The following PDE10A variants were observed in gnomAD, a reference collection of about 807,000 sequenced individuals.
The protein encoded by PDE10A is cAMP and cAMP-inhibited cGMP 3',5'-cyclic phosphodiesterase 10A.
PDE10A carries 39 observed loss-of-function variants against 97.7 expected under a neutral mutation model. The ratio of observed to expected loss-of-function variants is 0.40; its 90% confidence interval spans 0.31 to 0.52. PDE10A has a LOEUF of 0.52. PDE10A is among the 20% of genes least tolerant of loss of function. The probability of loss-of-function intolerance (pLI) is 0.56; values close to 1 mark genes in which losing one functional copy is unlikely to be tolerated. For synonymous variants in PDE10A, 371 were observed against 376.8 expected (o/e 0.98, Z 0.18); for missense variants, 731 against 1,047.8 (o/e 0.70, Z 4.17).
chr6:165,626,388 T>C (rs1261788598), intron 1 of PDE10A, among the ~76,000 whole-genome samples: 4 of 152,206 alleles, frequency 2.6e-5, no homozygotes, highest in African/African-American at 9.7e-5. Context: ...AGATTATTGA[T>C]GTTAACTCTA....
chr6:165,714,854 C>A (rs936537707), intron 1 of PDE10A, among the ~76,000 whole-genome samples: 9 of 152,232 alleles, frequency 5.9e-5, no homozygotes, highest in African/African-American at 2.2e-4. Context: ...GACAGAAGAA[C>A]CTGTTGAACC....
chr6:165,442,423 G>A (rs1248582997), intron 5 of PDE10A, among the ~76,000 whole-genome samples: 3 of 152,044 alleles, frequency 2.0e-5, no homozygotes, highest in Non-Finnish European at 4.4e-5. Context: ...AGTTCCACAG[G>A]CTTAACAGGA....
intron 2 of PDE10A, among the ~76,000 whole-genome samples, chr6:165,508,741 T>C (rs1025853346): frequency 6.6e-6 from 1 of 152,004 alleles, no homozygotes; most frequent in African/African-American, 2.4e-5. Context: ...AGGTATGCAG[T>C]GATACCTCAC....
chr6:165,374,436 TAACA>T lies in PDE10A; in HGVS notation c.2783+4754_2783+4757del, dbSNP rs368651299. 4.1e-3 allele frequency among the ~76,000 whole-genome samples: 625 copies of T among 151,824 alleles called. 1 individual carries two copies. Among genetic ancestry groups the T allele is most frequent in the South Asian group, 0.014 (65 of 4,812 alleles). Reference sequence around the variant, plus strand: ...ATATAACAGAAAATTTTAATATCCTTAACAAAAATATAGAATAAAAGCTGATATA... The same window carrying T: ...ATATAACAGAAAATTTTAATATCCTTAAAATATAGAATAAAAGCTGATATA... On this transcript the variant is annotated intron_variant, in intron 18 of 21. Transcript: ENST00000539869.
chr6:165,676,546 G>T (rs558895047), intron 1 of PDE10A, among the ~76,000 whole-genome samples: 5 of 152,092 alleles, frequency 3.3e-5, no homozygotes, highest in African/African-American at 1.2e-4. Context: ...AGCCCAGCTG[G>T]AAGGTGGTGA....
At chr6:165,398,653 T>A (rs996972890) in intron 13 of PDE10A, among the ~76,000 whole-genome samples, 1 of 152,210 alleles carries the variant, frequency 6.6e-6, no homozygotes, top group African/African-American at 2.4e-5. Context: ...CACATTTTTA[T>A]ATATTACCAA....
chr6:165,436,193 T>C (rs1280967163), intron 5 of PDE10A, among the ~76,000 whole-genome samples: 1 of 152,194 alleles, frequency 6.6e-6, no homozygotes. Context: ...GACTTCACTT[T>C]ATTTTTATCT....
chr6:165,625,288 G>A (rs1164604488), intron 1 of PDE10A, among the ~76,000 whole-genome samples: 2 of 152,194 alleles, frequency 1.3e-5, no homozygotes, highest in Non-Finnish European at 2.9e-5. Flanking sequence ...GCTAAGGAGA[G>A]GCTGTCTCAC....
At position 165,917,354 on chromosome 6, in the gene PDE10A, C is replaced by T. The variant is rs147023988; in HGVS notation, c.-615+70175G>A. Among the ~76,000 whole-genome samples the T allele has an allele frequency of 7.7e-3, 1,165 of 152,270 alleles. 19 individuals carry two copies. The highest frequency in any genetic ancestry group is 0.026 in the African/African-American group (1,075 of 41,544). On this transcript the variant is annotated intron_variant, in intron 1 of 19. Coordinates refer to the PDE10A transcript ENST00000366882. ...ACTTAGAGCAATTAGGACTCAACCCCGGTCTAGAAGGCACACATCACCTCC... is the reference window on the plus strand; with the variant it reads ...ACTTAGAGCAATTAGGACTCAACCCTGGTCTAGAAGGCACACATCACCTCC...
intron 2 of PDE10A, among the ~76,000 whole-genome samples, chr6:165,488,169 T>C (rs998138746): frequency 1.3e-5 from 2 of 151,926 alleles, no homozygotes; most frequent in Non-Finnish European, 2.9e-5. Context: ...CTGACCTCAA[T>C]AAACTTGCAT....
At chr6:165,604,017 A>T (rs1787091544) in intron 1 of PDE10A, among the ~76,000 whole-genome samples, 1 of 152,174 alleles carries the variant, frequency 6.6e-6, no homozygotes, top group Admixed American at 6.5e-5. Context: ...CAATCAAGAT[A>T]TGTACATAAA....
intron 1 of PDE10A, among the ~76,000 whole-genome samples, chr6:165,911,267 G>A (rs1029584313): frequency 5.3e-5 from 8 of 152,108 alleles, no homozygotes; most frequent in African/African-American, 9.7e-5. Flanking sequence ...TACTAGTAAT[G>A]GAGAACATTA....
In PDE10A at chr6:165,362,174, C is replaced by T. The variant is rs190796016; in HGVS notation, c.2783+17020G>A. Reference sequence around the variant, plus strand: ...TAAAACTAAAGCAAACAGAAGTAAGCAAATAAAGATTACAAAAGAAATACA... The same window carrying T: ...TAAAACTAAAGCAAACAGAAGTAAGTAAATAAAGATTACAAAAGAAATACA... On this transcript the variant is annotated intron_variant, in intron 18 of 21. Transcript: ENST00000539869. Among the ~76,000 whole-genome samples, 391 of 151,598 alleles carry T rather than the reference C, an allele frequency of 2.6e-3. 5 individuals carry two copies. Among genetic ancestry groups the T allele is most frequent in the African/African-American group, 8.9e-3 (366 of 41,300 alleles).
intron 1 of PDE10A, among the ~76,000 whole-genome samples, chr6:165,640,773 AATTT>A (rs1234609146): frequency 2.0e-5 from 3 of 152,248 alleles, no homozygotes; most frequent in African/African-American, 7.2e-5. Context: ...GTAGTTTATA[AATTT>A]GTTTATAAAA....
At chr6:165,442,678 C>G (rs775649918) in intron 5 of PDE10A, among the ~76,000 whole-genome samples, 1 of 152,162 alleles carries the variant, frequency 6.6e-6, no homozygotes, top group African/African-American at 2.4e-5. Flanking sequence ...TACAATTTGA[C>G]ATGAGATTTT....
chr6:165,813,791 C>CAA (rs5881663), intron 1 of PDE10A, among the ~76,000 whole-genome samples: 22,705 of 149,196 alleles, frequency 0.15, 2,070 homozygotes, highest in South Asian at 0.23. Flanking sequence ...TAATCGCAGA[C>CAA]AAAAAAAAAA....
chr6:165,368,714 G>A (rs1000235874), intron 18 of PDE10A, among the ~76,000 whole-genome samples: 1 of 152,222 alleles, frequency 6.6e-6, no homozygotes, highest in Non-Finnish European at 1.5e-5. Context: ...TGACAGCTCT[G>A]AAGAGAGCAG....
At position 165,735,060 on chromosome 6, in the gene PDE10A, ATAGG is replaced by A. The variant is rs570771376; in HGVS notation, c.-614-191496_-614-191493del. On this transcript the variant is annotated intron_variant, in intron 1 of 19. Coordinates refer to the PDE10A transcript ENST00000366882. ...AGATAGATAATAGGGAGGTAGACAG[ATAGG>A]TAGGTAGGTAGGTAGGTTTGTAGGT... 2.8e-4 allele frequency among the ~76,000 whole-genome samples: 43 copies of A among 151,200 alleles called. 1 individual carries two copies. In the South Asian group the frequency reaches 4.2e-3, roughly 15 times the overall value.
intron 2 of PDE10A, among the ~76,000 whole-genome samples, chr6:165,518,009 G>T (rs1005982961): frequency 1.3e-5 from 2 of 152,176 alleles, no homozygotes; most frequent in Non-Finnish European, 2.9e-5. Flanking sequence ...TTAAGGTTAA[G>T]TAATTAAATG....
Sources: allele counts gnomAD v4.1 joint callset (sites outside exome capture counted in the v4.1 genomes callset), GRCh38; gene constraint gnomAD v4.1.1; transcripts MANE v1.5; gene names NCBI Gene and HGNC (gene_info 2026-07-23, HGNC 2026-07-21).